The following SLC7A1 variants were observed in gnomAD, a reference collection of about 807,000 sequenced individuals.
SLC7A1 encodes high affinity cationic amino acid transporter 1.
In SLC7A1, 10 loss-of-function variants were observed where a neutral mutation model predicts 53.9. The observed-to-expected ratio is 0.19, with a 90% CI of 0.11 to 0.31. SLC7A1 has a LOEUF of 0.31. Among genes scored for constraint, SLC7A1 ranks in the 10% least tolerant of loss-of-function variants. The pLI is 1.00. For missense variants in SLC7A1, 525 were observed against 827.2 expected (o/e 0.63, Z 4.48); for synonymous variants, 342 against 338.7 (o/e 1.01, Z -0.11).
intron 2 of SLC7A1, 77 bp from the exon 3 acceptor site, chr13:29,536,279 A>T: frequency 1.4e-6 from 2 of 1,379,426 alleles, no homozygotes; most frequent in South Asian, 2.7e-5. Context: ...CATTATGGAA[A>T]CACAGACAGT....
intron 1 of SLC7A1, among the ~76,000 whole-genome samples, chr13:29,586,523 A>C (rs1286183517): frequency 6.6e-6 from 1 of 152,182 alleles, no homozygotes; most frequent in Non-Finnish European, 1.5e-5. Context: ...TCTCCCACAA[A>C]ATCAAATGTT....
chr13:29,572,203 G>A (rs986736086), intron 1 of SLC7A1, among the ~76,000 whole-genome samples: 1 of 152,222 alleles, frequency 6.6e-6, no homozygotes, highest in African/African-American at 2.4e-5. Context: ...CGCTGTCTAG[G>A]CCATCTGGTC....
intron 2 of SLC7A1, among the ~76,000 whole-genome samples, chr13:29,538,492 C>T (rs562190769): frequency 6.6e-6 from 1 of 152,306 alleles, no homozygotes; most frequent in African/African-American, 2.4e-5. Context: ...TGAGGTGTCT[C>T]AGCAACACAG....
intron 1 of SLC7A1, among the ~76,000 whole-genome samples, chr13:29,573,596 T>A (rs1593578181): frequency 6.6e-6 from 1 of 152,294 alleles, no homozygotes; most frequent in East Asian, 1.9e-4. Context: ...GATGGTAACT[T>A]AGCAAAGAGC....
At chr13:29,575,000 A>T (rs539857556) in intron 1 of SLC7A1, among the ~76,000 whole-genome samples, 2 of 152,192 alleles carry the variant, frequency 1.3e-5, no homozygotes, top group Non-Finnish European at 2.9e-5. Flanking sequence ...GATTATTTGC[A>T]GCACAAATCA....
chr13:29,595,259 G>C (rs1872262620), intron 1 of SLC7A1, among the ~76,000 whole-genome samples, 157 bp downstream of exon 1: 1 of 151,902 alleles, frequency 6.6e-6, no homozygotes, highest in East Asian at 2.0e-4. Flanking sequence ...GCCCGGCCCT[G>C]GTCCTGGCCC....
intron 1 of SLC7A1, among the ~76,000 whole-genome samples, chr13:29,591,579 C>T (rs1295645038): frequency 1.3e-5 from 2 of 152,198 alleles, no homozygotes; most frequent in Non-Finnish European, 2.9e-5. Flanking sequence ...AACAGGAAAG[C>T]AGCTGGTTGC....
intron 1 of SLC7A1, among the ~76,000 whole-genome samples, chr13:29,572,133 C>T (rs1234217590): frequency 2.6e-5 from 4 of 152,224 alleles, no homozygotes; most frequent in Non-Finnish European, 4.4e-5. Context: ...TGCCCCAAAA[C>T]GCAGGTGGTG....
chr13:29,536,455 A>G (rs1312781276), intron 2 of SLC7A1, among the ~76,000 whole-genome samples: 3 of 152,186 alleles, frequency 2.0e-5, no homozygotes, highest in Admixed American at 6.5e-5. Context: ...CTGAGCTTCC[A>G]CATTTGTAGC....
intron 1 of SLC7A1, among the ~76,000 whole-genome samples, chr13:29,581,821 T>A (rs893075823): frequency 6.6e-6 from 1 of 152,236 alleles, no homozygotes; most frequent in South Asian, 2.1e-4. Context: ...CAACCTCTCC[T>A]TCGCCCATTT....
chr13:29,583,282 C>T (rs542904975), intron 1 of SLC7A1, among the ~76,000 whole-genome samples: 2 of 152,222 alleles, frequency 1.3e-5, no homozygotes, highest in Non-Finnish European at 2.9e-5. Context: ...ATGTTTGAGT[C>T]ACTGCTCATT....
intron 1 of SLC7A1, among the ~76,000 whole-genome samples, chr13:29,557,683 TGAATATGAGTGGG>T (rs1870500013): frequency 1.3e-5 from 1 of 74,680 alleles, no homozygotes; most frequent in African/African-American, 5.5e-5. Flanking sequence ...TGAGGGAGAG[TGAATATGAGTGGG>T]GGGGAGTGAA....
intron 10 of SLC7A1, 110 bp downstream of exon 10, chr13:29,517,463 G>A: frequency 8.2e-7 from 1 of 1,215,056 alleles, no homozygotes; most frequent in Non-Finnish European, 1.2e-6. Flanking sequence ...CCCAGTCCAG[G>A]AGCAAGACAG....
intron 9 of SLC7A1, among the ~76,000 whole-genome samples, chr13:29,518,861 A>G (rs941114613): frequency 6.6e-6 from 1 of 152,112 alleles, no homozygotes; most frequent in Non-Finnish European, 1.5e-5. Flanking sequence ...AGGTGAGAAC[A>G]CCGAGACACC....
rs1869406906 is a variant in SLC7A1, at chr13:29,536,124, C to T, written c.65G>A (p.Ser22Asn). ...QMLRRKVVDC[S>N]REETRLSRCL... is the part of the protein sequence containing the mutation. ...GCGAGACAGCCGCGTCTCCTCCCGG[C>T]TACAGTCCACCACCTTCCGCCGCAG... Residue 22 changes from serine (S) to asparagine (N), a missense_variant, in exon 3 of 13, where the codon AGC becomes AAC. By Grantham distance (46) the Ser-to-Asn change is conservative. Transcript: ENST00000380752. 2.5e-6 allele frequency: 4 copies of T among 1,614,048 alleles called. No individual in the cohort carries two copies. In the African/African-American group the frequency reaches 4.0e-5, roughly 16 times the overall value.
chr13:29,522,460 G>C lies in SLC7A1; in HGVS notation c.1050-4C>G. ...GGGAAACATGGAACCTAGAAGACTA[G>C]ATGGGGAGAGGCAAACCGCGTGAGT... On this transcript the variant is annotated splice_polypyrimidine_tract_variant and splice_region_variant and intron_variant, in intron 7 of 12. Coordinates refer to ENST00000380752, the MANE Select transcript of SLC7A1 (RefSeq NM_003045.5). 1 of 1,614,188 alleles carries C rather than the reference G, an allele frequency of 6.2e-7. No homozygotes were observed. Among genetic ancestry groups the C allele is most frequent in the South Asian group, 1.1e-5 (1 of 91,078 alleles).
intron 1 of SLC7A1, among the ~76,000 whole-genome samples, chr13:29,555,357 C>CAAAAAAAAAATAATAAA: frequency 5.3e-5 from 1 of 18,780 alleles, no homozygotes; most frequent in African/African-American, 1.4e-4. Context: ...GACTCCGTCT[C>CAAAAAAAAAATAATAAA]AAAAAAAAAA....
chr13:29,556,716 C>T (rs536549206), intron 1 of SLC7A1, among the ~76,000 whole-genome samples: 3 of 152,196 alleles, frequency 2.0e-5, no homozygotes, highest in Non-Finnish European at 4.4e-5. Flanking sequence ...TTGATAGACA[C>T]AACCCACATA....
chr13:29,563,067 T>C (rs1484889097), intron 1 of SLC7A1, among the ~76,000 whole-genome samples: 1 of 152,156 alleles, frequency 6.6e-6, no homozygotes, highest in African/African-American at 2.4e-5. Flanking sequence ...TAATGATGGC[T>C]CCAAAAGGGG....
Sources: gnomAD v4.1 joint callset for allele counts (sites outside exome capture counted in the v4.1 genomes callset) on GRCh38, gnomAD v4.1.1 for gene constraint, MANE v1.5 for transcripts, NCBI Gene and HGNC (gene_info 2026-07-23, HGNC 2026-07-21) for gene names.